The following EPS15 variants were observed in gnomAD, a reference collection of about 807,000 sequenced individuals.
EPS15 encodes the protein epidermal growth factor receptor pathway substrate 15.
In EPS15, 72 loss-of-function variants were observed where a neutral mutation model predicts 113.8. The observed-to-expected ratio is 0.63, with a 90% CI of 0.52 to 0.77. EPS15 has a LOEUF of 0.77. Ranked by LOEUF, EPS15 falls within the 30% of genes least tolerant of loss-of-function variation. The pLI, the probability that EPS15 is intolerant of heterozygous loss-of-function variation, is 0.00. For synonymous variants in EPS15, 344 were observed against 363.4 expected (o/e 0.95, Z 0.61); for missense variants, 1,048 against 1,045.8 (o/e 1.00, Z -0.03).
chr1:51,366,422 C>T (rs964517611), intron 21 of EPS15, among the ~76,000 whole-genome samples: 1 of 152,148 alleles, frequency 6.6e-6, no homozygotes, highest in Non-Finnish European at 1.5e-5. Flanking sequence ...CAGTTGAAAA[C>T]ATACAATCTC....
intron 2 of EPS15, among the ~76,000 whole-genome samples, chr1:51,477,069 G>A (rs112449993): frequency 6.6e-6 from 1 of 152,184 alleles, no homozygotes; most frequent in South Asian, 2.1e-4. Context: ...ATTCGGTTGT[G>A]AATCCATCTG....
At chr1:51,488,511 C>T in intron 1 of EPS15, among the ~76,000 whole-genome samples, 1 of 140,878 alleles carries the variant, frequency 7.1e-6, no homozygotes. Flanking sequence ...GACTTTGTAT[C>T]AGAAAGGTAT....
intron 21 of EPS15, among the ~76,000 whole-genome samples, chr1:51,380,790 AAG>A (rs1424774281): frequency 6.6e-6 from 1 of 152,240 alleles, no homozygotes; most frequent in Non-Finnish European, 1.5e-5. Flanking sequence ...CATGCTGTAT[AAG>A]AGAGATTCAC....
chr1:51,408,682 C>G (rs572257751), intron 14 of EPS15, among the ~76,000 whole-genome samples: 1 of 151,820 alleles, frequency 6.6e-6, no homozygotes, highest in African/African-American at 2.4e-5. Flanking sequence ...TGCAATGGCA[C>G]GATCACAGCT....
At chr1:51,369,719 A>G (rs780712279) in intron 21 of EPS15, among the ~76,000 whole-genome samples, 16 of 152,138 alleles carry the variant, frequency 1.1e-4, no homozygotes, top group Admixed American at 6.6e-5. Flanking sequence ...CATTTTAGGT[A>G]TATCACTTTT....
Position 51,363,863 on chromosome 1 carries a change from T to C in EPS15, c.2359+3A>G. 6.2e-7 allele frequency: 1 copy of C among 1,609,248 alleles called. No homozygotes were observed. The highest frequency in any genetic ancestry group is 1.1e-5 in the South Asian group (1 of 90,064). ...GACTGAAGAAAAGTACCAACTCTCA[T>C]ACCAGGTGGTAGAGGGCAGGGTCTT... On this transcript the variant is annotated splice_donor_region_variant and intron_variant, in intron 23 of 24. Transcript: ENST00000371733.
intron 1 of EPS15, among the ~76,000 whole-genome samples, chr1:51,497,494 C>T (rs1177409293): frequency 6.6e-6 from 1 of 152,148 alleles, no homozygotes; most frequent in Non-Finnish European, 1.5e-5. Context: ...GACTATGATG[C>T]ACATTTTATT....
At chr1:51,410,591 A>G (rs945240468) in intron 13 of EPS15, among the ~76,000 whole-genome samples, 1 of 152,172 alleles carries the variant, frequency 6.6e-6, no homozygotes, top group African/African-American at 2.4e-5. Flanking sequence ...AACTACAGAA[A>G]TTTTTAAAAA....
At chr1:51,360,683 T>C (rs1209645152) in intron 24 of EPS15, among the ~76,000 whole-genome samples, 1 of 152,314 alleles carries the variant, frequency 6.6e-6, no homozygotes, top group East Asian at 1.9e-4. Flanking sequence ...TTTTACTTTC[T>C]ATTCAAAGAA....
At chr1:51,368,415 C>G (rs1326208139) in intron 21 of EPS15, among the ~76,000 whole-genome samples, 1 of 152,120 alleles carries the variant, frequency 6.6e-6, no homozygotes, top group African/African-American at 2.4e-5. Flanking sequence ...ACCAGCAACT[C>G]TGATCCTGAA....
intron 24 of EPS15, among the ~76,000 whole-genome samples, chr1:51,357,887 GCAC>G (rs1277038717): frequency 6.6e-6 from 1 of 151,850 alleles, no homozygotes; most frequent in African/African-American, 2.4e-5. Context: ...TTACAAGCAT[GCAC>G]CACCACGCCC....
chr1:51,369,407 T>G (rs890391292), intron 21 of EPS15, among the ~76,000 whole-genome samples: 32 of 152,168 alleles, frequency 2.1e-4, no homozygotes, highest in African/African-American at 7.7e-4. Context: ...AGAGAAACCA[T>G]GCAGGTGACT....
chr1:51,422,090 T>C, intron 12 of EPS15: 3 of 1,174,122 alleles, frequency 2.6e-6, no homozygotes, highest in Non-Finnish European at 3.2e-6. Context: ...GAAAAGAGGA[T>C]AGATTAAAAA....
intron 8 of EPS15, 38 bp downstream of exon 8, chr1:51,461,053 T>G: frequency 1.5e-6 from 2 of 1,332,302 alleles, no homozygotes; most frequent in Non-Finnish European, 2.2e-6. Flanking sequence ...AGAAAATCAT[T>G]AAGATAATGA....
chr1:51,459,037 G>A (rs1409616494), intron 8 of EPS15: 1 of 152,012 alleles, frequency 6.6e-6, no homozygotes, highest in African/African-American at 2.4e-5. Context: ...AAAAGATTAG[G>A]TACCTGTGAA....
At chr1:51,463,835 G>A (rs1236562276) in intron 6 of EPS15, 37 bp from the exon 7 acceptor site, 2 of 1,363,822 alleles carry the variant, frequency 1.5e-6, no homozygotes, top group Non-Finnish European at 2.0e-6. Flanking sequence ...TAAATAATAA[G>A]AGAAAAGGAT....
At chr1:51,382,837 T>C (rs1646973149) in intron 21 of EPS15, among the ~76,000 whole-genome samples, 1 of 152,210 alleles carries the variant, frequency 6.6e-6, no homozygotes, top group African/African-American at 2.4e-5. Context: ...CCAGTCTCCC[T>C]CAAACTCTTC....
chr1:51,399,063 A>T lies in EPS15; in HGVS notation c.2021T>A (p.Phe674Tyr). ...AATACTGCTATTGTTGGCTGCACTG[A>T]AAGGGTCAGTGCTTGAAGTGGCAAA... ...DPFATSSTDPFSAANNSSITS... is the reference protein window; with the variant it reads ...DPFATSSTDPYSAANNSSITS... Residue 674 changes from phenylalanine (F) to tyrosine (Y), a missense_variant, in exon 20 of 25, where the codon TTC (phenylalanine) becomes TAC (tyrosine). By Grantham distance (22) the Phe-to-Tyr change is conservative. Transcript: ENST00000371733. The T allele has an allele frequency of 1.9e-6, 3 of 1,614,044 alleles. No individual in the cohort carries two copies. Among genetic ancestry groups the T allele is most frequent in the Non-Finnish European group, 2.5e-6 (3 of 1,179,940 alleles).
At chr1:51,498,822 G>C (rs1644367906) in intron 1 of EPS15, among the ~76,000 whole-genome samples, 1 of 152,022 alleles carries the variant, frequency 6.6e-6, no homozygotes, top group African/African-American at 2.4e-5. Flanking sequence ...GCCACAGTTT[G>C]AATGTTTGTG....
Sources: gnomAD v4.1 joint callset for allele counts (sites outside exome capture counted in the v4.1 genomes callset) on GRCh38, gnomAD v4.1.1 for gene constraint, MANE v1.5 for transcripts, NCBI Gene and HGNC (gene_info 2026-07-23, HGNC 2026-07-21) for gene names.